SYNDIG1: variants seen among roughly 807,000 people sequenced by gnomAD.
SYNDIG1 encodes synapse differentiation-inducing gene protein 1.
SYNDIG1 carries 9 observed loss-of-function variants against 19.4 expected under a neutral mutation model. That is an observed-to-expected ratio of 0.46 (90% CI 0.28 to 0.81). The LOEUF is 0.81. SYNDIG1 is among the 30% of genes least tolerant of loss of function. SYNDIG1 has a pLI of 0.12. For synonymous variants in SYNDIG1, 141 were observed against 145.9 expected (o/e 0.97, Z 0.24); for missense variants, 311 against 343.3 (o/e 0.91, Z 0.74).
intron 1 of SYNDIG1, among the ~76,000 whole-genome samples, chr20:24,470,793 G>T (rs191844477): frequency 5.3e-4 from 81 of 152,244 alleles, no homozygotes; most frequent in Non-Finnish European, 1.0e-3. Context: ...TTCGTTGCAC[G>T]CAGAGGCTTG....
rs116819347 is a variant in SYNDIG1, at chr20:24,659,276, G to A, written c.619-6070G>A. ...GGATTGCATAAAGCCAGTGACTACCGGCCATGATTTGGGGCCTGCCTGCAT... is the reference window on the plus strand; with the variant it reads ...GGATTGCATAAAGCCAGTGACTACCAGCCATGATTTGGGGCCTGCCTGCAT... On this transcript the variant is annotated intron_variant, in intron 3 of 3. Transcript: ENST00000376862. 3.8e-3 allele frequency among the ~76,000 whole-genome samples: 586 copies of A among 152,300 alleles called. 7 individuals carry two copies. The highest frequency in any genetic ancestry group is 0.013 in the African/African-American group (547 of 41,566).
intron 3 of SYNDIG1, among the ~76,000 whole-genome samples, chr20:24,614,987 A>T (rs564490679): frequency 6.6e-6 from 1 of 152,372 alleles, no homozygotes; most frequent in East Asian, 1.9e-4. Context: ...GTTACCTTGC[A>T]ATTAACAAGC....
At chr20:24,630,207 AC>A (rs1380817344) in intron 3 of SYNDIG1, among the ~76,000 whole-genome samples, 5 of 124,352 alleles carry the variant, frequency 4.0e-5, no homozygotes, top group African/African-American at 1.5e-4. Context: ...TCAGGGGAGT[AC>A]AAAACGAAAA....
chr20:24,591,419 A>G (rs905760484), intron 3 of SYNDIG1, among the ~76,000 whole-genome samples: 1 of 152,004 alleles, frequency 6.6e-6, no homozygotes, highest in Admixed American at 6.6e-5. Context: ...AAGTGCAAAG[A>G]GAGTAGCTGA....
At chr20:24,486,825 A>G (rs1403073698) in intron 1 of SYNDIG1, among the ~76,000 whole-genome samples, 6 of 151,680 alleles carry the variant, frequency 4.0e-5, no homozygotes, top group Non-Finnish European at 7.4e-5. Flanking sequence ...TGCCCAGCTC[A>G]TTTTTGTATT....
chr20:24,596,479 A>G (rs2058597165), intron 3 of SYNDIG1, among the ~76,000 whole-genome samples: 1 of 152,092 alleles, frequency 6.6e-6, no homozygotes, highest in Non-Finnish European at 1.5e-5. Context: ...CCCGGGTTCA[A>G]GCAATTCTAC....
chr20:24,586,486 G>A (rs534216185), intron 3 of SYNDIG1, among the ~76,000 whole-genome samples: 20 of 152,324 alleles, frequency 1.3e-4, no homozygotes, highest in Admixed American at 4.6e-4. Flanking sequence ...ACAGGAGCTG[G>A]AGAAATGGGT....
intron 2 of SYNDIG1, among the ~76,000 whole-genome samples, chr20:24,577,704 G>C (rs1193442994): frequency 6.6e-6 from 1 of 152,184 alleles, no homozygotes; most frequent in Non-Finnish European, 1.5e-5. Context: ...TGCTGTCCTT[G>C]GTCCTGTCCT....
chr20:24,561,254 A>T (rs1018945368), intron 2 of SYNDIG1, among the ~76,000 whole-genome samples: 2 of 152,138 alleles, frequency 1.3e-5, no homozygotes, highest in African/African-American at 4.8e-5. Context: ...GTGCATTTAC[A>T]TTGCCACCAG....
chr20:24,476,433 T>TA (rs2055627771), intron 1 of SYNDIG1, among the ~76,000 whole-genome samples: 1 of 152,022 alleles, frequency 6.6e-6, no homozygotes, highest in African/African-American at 2.4e-5. Flanking sequence ...TTTGGGAGGC[T>TA]AAGGCGGGCA....
At chr20:24,582,587 A>T (rs79362698) in intron 2 of SYNDIG1, among the ~76,000 whole-genome samples, 4,949 of 150,924 alleles carry the variant, frequency 0.033, 238 homozygotes, top group African/African-American at 0.11. Context: ...TCCAGACTCC[A>T]GCACCTGAGG....
At chr20:24,527,938 A>T (rs2057162467) in intron 1 of SYNDIG1, among the ~76,000 whole-genome samples, 1 of 152,180 alleles carries the variant, frequency 6.6e-6, no homozygotes, top group Non-Finnish European at 1.5e-5. Context: ...AGCTTAGAAT[A>T]AGGTTCAGCC....
At chr20:24,566,883 G>A (rs1385313075) in intron 2 of SYNDIG1, among the ~76,000 whole-genome samples, 6 of 152,308 alleles carry the variant, frequency 3.9e-5, no homozygotes, top group Admixed American at 2.0e-4. Context: ...CACCCTGAGC[G>A]GGAAGGACAT....
intron 2 of SYNDIG1, among the ~76,000 whole-genome samples, chr20:24,555,620 TGA>T (rs1037802445): frequency 1.1e-4 from 17 of 152,328 alleles, no homozygotes; most frequent in Admixed American, 5.9e-4. Context: ...CTGTTTTGAG[TGA>T]GTTTCTTAAT....
intron 2 of SYNDIG1, among the ~76,000 whole-genome samples, chr20:24,580,141 A>G (rs1382588261): frequency 6.6e-6 from 1 of 152,214 alleles, no homozygotes; most frequent in Admixed American, 6.5e-5. Flanking sequence ...GCAGATGTAC[A>G]GATTAAATGA....
chr20:24,642,550 A>G (rs941580773), intron 3 of SYNDIG1, among the ~76,000 whole-genome samples: 1 of 152,178 alleles, frequency 6.6e-6, no homozygotes, highest in African/African-American at 2.4e-5. Flanking sequence ...ACCCTCCTCC[A>G]TTAATTGGTT....
At chr20:24,548,448 A>G (rs944699122) in intron 2 of SYNDIG1, among the ~76,000 whole-genome samples, 2 of 152,232 alleles carry the variant, frequency 1.3e-5, no homozygotes, top group African/African-American at 2.4e-5. Context: ...ACAGAATTCT[A>G]TAACTGCAAT....
chr20:24,524,917 T>C (rs1188258319), intron 1 of SYNDIG1, among the ~76,000 whole-genome samples: 1 of 152,322 alleles, frequency 6.6e-6, no homozygotes, highest in Non-Finnish European at 1.5e-5. Context: ...CTTCTGCTCT[T>C]ACCTTATTAA....
intron 3 of SYNDIG1, among the ~76,000 whole-genome samples, chr20:24,627,383 A>G (rs780737460): frequency 1.3e-4 from 20 of 152,152 alleles, no homozygotes; most frequent in Non-Finnish European, 2.2e-4. Context: ...GAATCTGGAA[A>G]ACTTGAATGA....
Sources: allele counts gnomAD v4.1 joint callset (sites outside exome capture counted in the v4.1 genomes callset), GRCh38; gene constraint gnomAD v4.1.1; transcripts MANE v1.5; gene names NCBI Gene and HGNC (gene_info 2026-07-23, HGNC 2026-07-21).